The following WIPI2 variants were observed in gnomAD, a reference collection of about 807,000 sequenced individuals.
WIPI2 encodes the protein WD repeat domain phosphoinositide-interacting protein 2.
WIPI2 carries 28 observed loss-of-function variants against 52.3 expected under a neutral mutation model. That is an observed-to-expected ratio of 0.54 (90% CI 0.40 to 0.73). The LOEUF is 0.73. Among genes scored for constraint, WIPI2 ranks in the 30% least tolerant of loss-of-function variants. The pLI, the probability that WIPI2 is intolerant of heterozygous loss-of-function variation, is 0.00. For missense variants in WIPI2, 506 were observed against 602.9 expected (o/e 0.84, Z 1.68); for synonymous variants, 268 against 245.0 (o/e 1.09, Z -0.88).
chr7:5,225,638 T>G (rs1050621253), intron 8 of WIPI2, among the ~76,000 whole-genome samples, 185 bp from the exon 9 acceptor site: 1 of 152,232 alleles, frequency 6.6e-6, no homozygotes, highest in African/African-American at 2.4e-5. Context: ...CGAATTGTTC[T>G]TAGTATTTCC....
At chr7:5,202,128 A>G (rs550728613) in intron 3 of WIPI2, among the ~76,000 whole-genome samples, 1 of 152,340 alleles carries the variant, frequency 6.6e-6, no homozygotes, top group South Asian at 2.1e-4. Context: ...TTAACAATCC[A>G]TCATAAAATC....
At position 5,232,452 on chromosome 7, in the gene WIPI2, C is replaced by T. The variant is rs908533926; in HGVS notation, c.*1505C>T. Reference sequence around the variant, plus strand: ...CCCAGCCGCTGGTGTGCGGCACACACAACATCTGCATTAGGCAGAGGTGCA... The same window carrying T: ...CCCAGCCGCTGGTGTGCGGCACACATAACATCTGCATTAGGCAGAGGTGCA... On this transcript the variant is annotated 3_prime_UTR_variant, in exon 13 of 13. Transcript: ENST00000288828. 3.5e-5 allele frequency: 14 copies of T among 397,526 alleles called. No homozygotes were observed. Among genetic ancestry groups the T allele is most frequent in the African/African-American group, 6.2e-5 (3 of 48,648 alleles). 24.6% of individuals were successfully genotyped at this position (397,526 alleles called of 1,614,324 possible).
intron 8 of WIPI2, 117 bp downstream of exon 8, chr7:5,222,789 C>G: frequency 2.0e-6 from 2 of 1,013,190 alleles, no homozygotes; most frequent in Non-Finnish European, 3.0e-6. Flanking sequence ...GCATTTCTAG[C>G]CCGGCTGGGT....
At chr7:5,213,369 C>G (rs1209438208) in intron 3 of WIPI2, 10 of 152,432 alleles carry the variant, frequency 6.6e-5, no homozygotes, top group Admixed American at 6.5e-4. Flanking sequence ...ATGGCCCGTT[C>G]CATTTGAAGT....
At position 5,232,931 on chromosome 7, in the gene WIPI2, G is replaced by A. The variant is rs942094743; in HGVS notation, c.*1984G>A. On this transcript the variant is annotated 3_prime_UTR_variant, in exon 13 of 13. Coordinates refer to ENST00000288828, the MANE Select transcript of WIPI2 (RefSeq NM_015610.4). Reference sequence around the variant, plus strand: ...CTTTGGGATTGGTAGTATAGAAGATGCTGGGAATTGTCTTCCTCGCTCAGC... The same window carrying A: ...CTTTGGGATTGGTAGTATAGAAGATACTGGGAATTGTCTTCCTCGCTCAGC... 8 of 152,262 alleles carry A rather than the reference G, an allele frequency of 5.3e-5. No individual in the cohort carries two copies. Among genetic ancestry groups the A allele is most frequent in the African/African-American group, 1.9e-4 (8 of 41,462 alleles). The allele number at this position is 152,262 out of a possible 1,614,324, so 9.4% of individuals were successfully genotyped here.
At chr7:5,214,240 G>A in intron 3 of WIPI2, 1 of 1,339,366 alleles carries the variant, frequency 7.5e-7, no homozygotes, top group Non-Finnish European at 9.7e-7. Context: ...TAGGAGTTTG[G>A]TTCCTAAACT....
Position 5,232,318 on chromosome 7 carries a change from T to A in WIPI2, c.*1371T>A, listed in dbSNP as rs1404951875. On this transcript the variant is annotated 3_prime_UTR_variant, in exon 13 of 13. Transcript: ENST00000288828. ...TGGGCGAAGAGCTGGAGGGGAGTTGTCCCCTCAGCTGAGCGGCTGCGGTGA... is the reference window on the plus strand; with the variant it reads ...TGGGCGAAGAGCTGGAGGGGAGTTGACCCCTCAGCTGAGCGGCTGCGGTGA... 2.5e-6 allele frequency: 1 copy of A among 398,638 alleles called. No individual in the cohort carries two copies. The highest frequency in any genetic ancestry group is 2.1e-5 in the African/African-American group (1 of 48,762). 24.7% of individuals were successfully genotyped at this position (398,638 alleles called of 1,614,324 possible).
At position 5,218,023 on chromosome 7, in the gene WIPI2, G is replaced by C. The variant is rs200241906; in HGVS notation, c.669+9G>C. On this transcript the variant is annotated intron_variant, in intron 7 of 12. Transcript: ENST00000288828. The stretch of plus-strand genomic sequence containing the variant: ...CCACGGCTTCGGAGAAGGTGAGTCT[G>C]CTTTTCCCCGGGGGAGCACTGGTGC... 2 of 1,614,076 alleles carry C rather than the reference G, an allele frequency of 1.2e-6. No individual in the cohort carries two copies. Among genetic ancestry groups the C allele is most frequent in the East Asian group, 2.2e-5 (1 of 44,880 alleles).
chr7:5,217,277 C>T (rs1454077137), intron 6 of WIPI2, 90 bp downstream of exon 6: 1 of 1,313,582 alleles, frequency 7.6e-7, no homozygotes, highest in South Asian at 1.2e-5. Context: ...CCTGACTTGG[C>T]TCAGCAATAC....
Position 5,227,276 on chromosome 7 carries a change from C to G in WIPI2, c.945C>G (p.Asn315Lys). ...CTTCCCAAGTGACAGAAATGTTCAA[C>G]CAGGGCAGAGCCTTCGCCACGGTCC... ...YLPSQVTEMFNQGRAFATVRL... is the reference protein window; with the variant it reads ...YLPSQVTEMFKQGRAFATVRL... The change falls in exon 10 of 13, where the codon AAC becomes AAG. Residue 315 changes from asparagine (N) to lysine (K), a missense_variant. By Grantham distance (94) the Asn-to-Lys change is moderately conservative. This residue lies in a region of WIPI2 where 237 missense variants were observed against 346.9 expected (regional missense o/e 0.68). Transcript: ENST00000288828. This position sits in a 1 kb window ranked among gnomAD's most constrained non-coding sequence, Gnocchi z 8.1. 1 of 1,613,760 alleles carries G rather than the reference C, an allele frequency of 6.2e-7. No individual in the cohort carries two copies. The highest frequency in any genetic ancestry group is 8.5e-7 in the Non-Finnish European group (1 of 1,180,040).
intron 9 of WIPI2, 174 bp downstream of exon 9, chr7:5,226,104 G>T: frequency 1.6e-6 from 1 of 634,832 alleles, no homozygotes; most frequent in South Asian, 1.8e-5. Context: ...CAGTGAGGAG[G>T]ATGGGCCCCA....
intron 8 of WIPI2, among the ~76,000 whole-genome samples, chr7:5,223,618 C>T (rs142430680): frequency 6.6e-6 from 1 of 152,226 alleles, no homozygotes; most frequent in East Asian, 1.9e-4. Flanking sequence ...ACCCAACCCC[C>T]TTCCTCACCC....
chr7:5,222,637 A>G lies in WIPI2; in HGVS notation c.705A>G (p.Gly235=). 6.2e-7 allele frequency: 1 copy of G among 1,614,130 alleles called. No individual in the cohort carries two copies. The highest frequency in any genetic ancestry group is 8.5e-7 in the Non-Finnish European group (1 of 1,179,990). ...TVIRVFSIPE[G]QKLFEFRRGV... ...TTAGGGTATTTTCCATTCCAGAAGG[A>G]CAAAAACTCTTTGAGTTTCGGAGAG... Residue 235 remains glycine (G), a synonymous_variant, in exon 8 of 13, where the codon GGA becomes GGG. Coordinates refer to ENST00000288828, the MANE Select transcript of WIPI2 (RefSeq NM_015610.4).
intron 9 of WIPI2, chr7:5,226,698 A>T (rs1783448139): frequency 6.5e-6 from 1 of 153,808 alleles, no homozygotes; most frequent in South Asian, 2.0e-4. Context: ...CAAAAATAAT[A>T]AATTTTGTTG....
chr7:5,216,437 A>C, intron 4 of WIPI2, 126 bp from the exon 5 acceptor site: 1 of 778,502 alleles, frequency 1.3e-6, no homozygotes, highest in South Asian at 1.9e-5. Flanking sequence ...GACTCCAAAA[A>C]AATAAAATAC....
intron 2 of WIPI2, among the ~76,000 whole-genome samples, chr7:5,197,897 C>T (rs1264508121): frequency 6.6e-6 from 1 of 152,138 alleles, no homozygotes; most frequent in East Asian, 1.9e-4. Context: ...GCTCATCTTT[C>T]TTCTGCTGAA....
rs771310339 is a variant in WIPI2, at chr7:5,229,592, G to A, written c.1122-16G>A. The A allele has an allele frequency of 1.6e-5, 25 of 1,610,374 alleles. No individual in the cohort carries two copies. The highest frequency in any genetic ancestry group is 1.7e-5 in the Admixed American group (1 of 59,574). On this transcript the variant is annotated splice_polypyrimidine_tract_variant and intron_variant, in intron 11 of 12. Transcript: ENST00000288828. ...CTGTGTGGAGACGCTGAGCTGTGTC[G>A]CTTTCTTCCCTCCAGGCTGGACGGC...
chr7:5,214,204 C>A, intron 3 of WIPI2: 4 of 1,217,276 alleles, frequency 3.3e-6, no homozygotes. Flanking sequence ...TAAGGGAGCC[C>A]CTAGACCTTA....
At chr7:5,215,842 T>G (rs974825861) in intron 4 of WIPI2, among the ~76,000 whole-genome samples, 1 of 152,274 alleles carries the variant, frequency 6.6e-6, no homozygotes, top group Non-Finnish European at 1.5e-5. Flanking sequence ...ATGTCTACAT[T>G]CATTTTCTTC....
Sources: allele counts gnomAD v4.1 joint callset (sites outside exome capture counted in the v4.1 genomes callset), GRCh38; gene constraint gnomAD v4.1.1; regional missense constraint gnomAD v4.1.1; non-coding constraint Gnocchi (gnomAD v3.1); transcripts MANE v1.5; gene names NCBI Gene and HGNC (gene_info 2026-07-23, HGNC 2026-07-21).